DAG1: variants seen among roughly 807,000 people sequenced by gnomAD.
DAG1 encodes the protein dystroglycan 1 (dystrophin-associated glycoprotein 1).
DAG1 carries 8 observed loss-of-function variants against 46.1 expected under a neutral mutation model. The ratio of observed to expected loss-of-function variants is 0.17; its 90% CI spans 0.10 to 0.31. The LOEUF (loss-of-function observed/expected upper bound fraction) is 0.31, where lower values mean the gene tolerates loss of function less well. Ranked by LOEUF, DAG1 falls within the 10% of genes least tolerant of loss-of-function variation. The pLI, the probability that DAG1 is intolerant of heterozygous loss-of-function variation, is 1.00. For synonymous variants in DAG1, 495 were observed against 481.8 expected, an observed-to-expected ratio of 1.03 and a Z score of -0.36; for missense variants, 1,003 against 1,189.9, an observed-to-expected ratio of 0.84 and a Z score of 2.31.
intron 1 of DAG1, among the ~76,000 whole-genome samples, chr3:49,509,178 C>T (rs183550529): frequency 6.4e-4 from 97 of 152,180 alleles, no homozygotes; most frequent in African/African-American, 2.1e-3. Flanking sequence ...AGATTGCTTA[C>T]CTTTCTAATC....
In DAG1 at chr3:49,535,339, G is replaced by A. The variant is rs955800012; in HGVS notation, c.*2140G>A. The A allele has an allele frequency of 5.2e-5, 8 of 152,668 alleles. No homozygotes were observed. The highest frequency in any genetic ancestry group is 1.9e-4 in the African/African-American group (8 of 41,470). 9.5% of individuals were successfully genotyped at this position (152,668 alleles called of 1,614,324 possible). A position where few individuals can be genotyped will look rare whatever the true frequency, so the allele number is the denominator to read the frequency against. On this transcript the variant is annotated 3_prime_UTR_variant, in exon 3 of 3. Coordinates refer to ENST00000308775, the MANE Select transcript of DAG1 (RefSeq NM_004393.6). ...CCATTGGGCACTGCCATGCAGAGACGTGGCTGGCCCAGAATGGCCTGTTGC... is the reference window on the plus strand; with the variant it reads ...CCATTGGGCACTGCCATGCAGAGACATGGCTGGCCCAGAATGGCCTGTTGC...
Position 49,532,906 on chromosome 3 carries a change from A to G in DAG1, c.2395A>G (p.Ile799Val), listed in dbSNP as rs1326126156. The G allele has an allele frequency of 1.2e-6, 2 of 1,614,112 alleles. No individual in the cohort carries two copies. The highest frequency in any genetic ancestry group is 8.5e-7 in the Non-Finnish European group (1 of 1,180,012). ...CTTCATCAAGAAGGGGGTGCCTATCATCTTTGCAGACGAACTGGACGACTC... is the reference window on the plus strand; with the variant it reads ...CTTCATCAAGAAGGGGGTGCCTATCGTCTTTGCAGACGAACTGGACGACTC... ...ATFIKKGVPIIFADELDDSKP... is the reference protein window; with the variant it reads ...ATFIKKGVPIVFADELDDSKP... The change falls in exon 3 of 3, where the codon ATC (isoleucine) becomes GTC (valine). Residue 799 changes from isoleucine (I) to valine (V), a missense_variant. By Grantham distance (29) the Ile-to-Val change is conservative. Coordinates refer to ENST00000308775, the MANE Select transcript of DAG1 (RefSeq NM_004393.6). This position sits in a 1 kb window ranked among gnomAD's most constrained non-coding sequence, Gnocchi z 5.4.
intron 1 of DAG1, among the ~76,000 whole-genome samples, chr3:49,472,732 G>A (rs1158142468): frequency 2.0e-5 from 3 of 152,106 alleles, no homozygotes; most frequent in Non-Finnish European, 4.4e-5. Context: ...GCGTGAACCC[G>A]GGAGGCGGAG....
At chr3:49,520,881 G>A (rs2051009784) in intron 2 of DAG1, among the ~76,000 whole-genome samples, 1 of 152,130 alleles carries the variant, frequency 6.6e-6, no homozygotes, top group Admixed American at 6.6e-5. Flanking sequence ...GCATGGATAA[G>A]ACATCATCTT....
rs2051338440 is a variant in DAG1, at chr3:49,531,345, G to C, written c.834G>C (p.Glu278Asp). The C allele has an allele frequency of 1.2e-6, 2 of 1,614,042 alleles. No homozygotes were observed. The highest frequency in any genetic ancestry group is 1.7e-6 in the Non-Finnish European group (2 of 1,179,992). The change falls in exon 3 of 3, where the codon GAG becomes GAC. Residue 278 changes from glutamate to aspartate, a missense_variant. Transcript: ENST00000308775. This position sits in a 1 kb window ranked among gnomAD's most constrained non-coding sequence, Gnocchi z 7.0. ...QNSVPDIHGV[E>D]APAREGAMSA... ...GTGTGCCTGACATTCATGGTGTAGA[G>C]GCCCCTGCCAGGGAGGGCGCAATGT...
At chr3:49,502,137 A>G (rs1004075484) in intron 1 of DAG1, among the ~76,000 whole-genome samples, 1 of 152,208 alleles carries the variant, frequency 6.6e-6, no homozygotes, top group African/African-American at 2.4e-5. Context: ...CACCATTTCC[A>G]GCCTGGGTGA....
In DAG1 at chr3:49,476,462, AC is replaced by A. The variant is rs541108876; in HGVS notation, c.-117+6030del. On this transcript the variant is annotated intron_variant, in intron 1 of 2. Transcript: ENST00000308775. The stretch of plus-strand genomic sequence containing the variant: ...AAAAATTAGCTGGGCGTGGTGGCGC[AC>A]ACCTGTAATCCAAGCTGCTTGGTAG... 5.9e-5 allele frequency among the ~76,000 whole-genome samples: 9 copies of A among 152,132 alleles called. No homozygotes were observed. In the South Asian group the frequency reaches 1.9e-3, roughly 32 times the overall value.
chr3:49,494,500 G>A (rs1342416215), intron 1 of DAG1, among the ~76,000 whole-genome samples: 1 of 152,108 alleles, frequency 6.6e-6, no homozygotes, highest in African/African-American at 2.4e-5. Context: ...TGCTAGATTA[G>A]CATATTAATT....
chr3:49,491,008 C>T lies in DAG1; in HGVS notation c.-116-19411C>T, dbSNP rs141326065. 2.8e-3 allele frequency among the ~76,000 whole-genome samples: 417 copies of T among 151,106 alleles called. 3 individuals carry two copies. Among genetic ancestry groups the T allele is most frequent in the African/African-American group, 9.4e-3 (387 of 41,130 alleles). On this transcript the variant is annotated intron_variant, in intron 1 of 2. Coordinates refer to ENST00000308775, the MANE Select transcript of DAG1 (RefSeq NM_004393.6). ...TCAAGCGATTTTCCTGCCACAATCT[C>T]CCTGAGTAGCTGGGACTACAGGCGC...
At chr3:49,495,605 C>G (rs575501122) in intron 1 of DAG1, among the ~76,000 whole-genome samples, 4 of 152,258 alleles carry the variant, frequency 2.6e-5, no homozygotes, top group African/African-American at 9.6e-5. Context: ...CTCTCCACCT[C>G]CTACTCTAGC....
intron 1 of DAG1, among the ~76,000 whole-genome samples, chr3:49,502,423 A>G (rs558246783): frequency 6.6e-6 from 1 of 152,104 alleles, no homozygotes; most frequent in Non-Finnish European, 1.5e-5. Flanking sequence ...GTGGTGGGCA[A>G]AAGTGACCCA....
At chr3:49,474,409 G>T (rs534719394) in intron 1 of DAG1, among the ~76,000 whole-genome samples, 2 of 151,794 alleles carry the variant, frequency 1.3e-5, no homozygotes, top group Non-Finnish European at 2.9e-5. Flanking sequence ...GAAGTGGTGC[G>T]ATCTTGGCTC....
rs886042172 is a variant in DAG1, at chr3:49,533,086, A to C, written c.2575A>C (p.Asn859His). The C allele has an allele frequency of 6.2e-7, 1 of 1,614,110 alleles. No individual in the cohort carries two copies. Among genetic ancestry groups the C allele is most frequent in the Admixed American group, 1.7e-5 (1 of 60,026 alleles). ...EYTPLRDEDP[N>H]APPYQPPPPF... ...CACGCCCCTGCGGGATGAGGATCCC[A>C]ATGCGCCTCCCTACCAGCCCCCACC... The change falls in exon 3 of 3, where the codon AAT becomes CAT. Residue 859 changes from asparagine (N) to histidine (H), a missense_variant. Transcript: ENST00000308775.
At chr3:49,487,692 CTTTTT>C (rs10686005) in intron 1 of DAG1, among the ~76,000 whole-genome samples, 8 of 105,716 alleles carry the variant, frequency 7.6e-5, no homozygotes, top group African/African-American at 1.4e-4. Context: ...CCCATACATT[CTTTTT>C]TTTTTTTTTT....
chr3:49,470,830 C>G (rs1010672171), intron 1 of DAG1: 36 of 152,456 alleles, frequency 2.4e-4, no homozygotes, highest in African/African-American at 8.7e-4. Flanking sequence ...TCGAGCCCCG[C>G]TAGAGGCAGG....
chr3:49,523,491 A>G (rs1328774353), intron 2 of DAG1, among the ~76,000 whole-genome samples: 2 of 152,150 alleles, frequency 1.3e-5, no homozygotes, highest in Non-Finnish European at 2.9e-5. Context: ...CTGGTAGACA[A>G]GTGTTGACAG....
chr3:49,521,604 C>T (rs1187239941), intron 2 of DAG1, among the ~76,000 whole-genome samples: 2 of 151,912 alleles, frequency 1.3e-5, no homozygotes, highest in Non-Finnish European at 2.9e-5. Context: ...GGGACCACCA[C>T]GCCCAGCTAA....
At chr3:49,488,646 A>G (rs1453800915) in intron 1 of DAG1, 2 of 151,654 alleles carry the variant, frequency 1.3e-5, no homozygotes, top group African/African-American at 4.8e-5. Context: ...TCTGTCTCCC[A>G]TGCTGGAGTG....
At chr3:49,480,230 G>A (rs1388312031) in intron 1 of DAG1, among the ~76,000 whole-genome samples, 1 of 150,510 alleles carries the variant, frequency 6.6e-6, no homozygotes, top group Non-Finnish European at 1.5e-5. Context: ...GGGATTACAG[G>A]CGTGAGCCAC....
Sources: gnomAD v4.1 joint callset for allele counts (sites outside exome capture counted in the v4.1 genomes callset) on GRCh38, gnomAD v4.1.1 for gene constraint, Gnocchi (gnomAD v3.1) non-coding constraint, MANE v1.5 for transcripts, NCBI Gene and HGNC (gene_info 2026-07-23, HGNC 2026-07-21) for gene names.